Variants in LRRFIP1 observed in about 807,000 individuals in gnomAD.
LRRFIP1 encodes leucine-rich repeat flightless-interacting protein 1.
LRRFIP1 carries 62 observed loss-of-function variants against 104.4 expected under a neutral mutation model. The ratio of observed to expected loss-of-function variants is 0.59; its 90% confidence interval spans 0.48 to 0.73. The LOEUF (loss-of-function observed/expected upper bound fraction) is 0.73. LRRFIP1 is among the 30% of genes least tolerant of loss of function. The pLI is 0.00. For missense variants in LRRFIP1, 796 were observed against 824.5 expected, an observed-to-expected ratio of 0.97 and a Z score of 0.42; for synonymous variants, 300 against 299.0, an observed-to-expected ratio of 1.00 and a Z score of -0.03.
At chr2:237,762,994 A>G (rs1253508391) in intron 19 of LRRFIP1, 1 of 1,614,258 alleles carries the variant, frequency 6.2e-7, no homozygotes, top group Admixed American at 1.7e-5. Flanking sequence ...GAGAGGCAGC[A>G]GTGACTCAGG....
At position 237,725,648 on chromosome 2, in the gene LRRFIP1, G is replaced by A. The variant is rs1035867036; in HGVS notation, c.384+2062G>A. ...TTCTAGGAACATAGCCCAGGAATAG[G>A]TTCCTTATGATAGAATTCCATTACC... On this transcript the variant is annotated intron_variant, in intron 7 of 23. Transcript: ENST00000308482. Among the ~76,000 whole-genome samples the A allele has an allele frequency of 4.6e-5, 7 of 152,354 alleles. No individual in the cohort carries two copies. In the South Asian group the frequency reaches 1.0e-3, roughly 23 times the overall value.
chr2:237,762,243 G>A (rs781510077), intron 19 of LRRFIP1, among the ~76,000 whole-genome samples: 1 of 152,180 alleles, frequency 6.6e-6, no homozygotes, highest in Non-Finnish European at 1.5e-5. Context: ...TGAGAGTGGG[G>A]AATTGAACCT....
intron 22 of LRRFIP1, 113 bp downstream of exon 22, chr2:237,773,058 T>C (rs2150927649): frequency 1.3e-6 from 1 of 788,784 alleles, no homozygotes; most frequent in East Asian, 2.5e-5. Flanking sequence ...AACCAAGAAA[T>C]GTCCTAAGAG....
At chr2:237,654,433 C>A (rs1179105660) in intron 1 of LRRFIP1, among the ~76,000 whole-genome samples, 1 of 152,136 alleles carries the variant, frequency 6.6e-6, no homozygotes, top group Non-Finnish European at 1.5e-5. Context: ...TCAGTACAGC[C>A]ATTGTAGAAA....
At chr2:237,677,037 AATACACATAAC>A (rs1292384672) in intron 1 of LRRFIP1, among the ~76,000 whole-genome samples, 4 of 152,246 alleles carry the variant, frequency 2.6e-5, no homozygotes, top group Non-Finnish European at 5.9e-5. Flanking sequence ...ATTGTGCTAA[AATACACATAAC>A]AAAGTTTGCC....
At chr2:237,756,624 T>G (rs2059294570) in intron 16 of LRRFIP1, among the ~76,000 whole-genome samples, 1 of 152,200 alleles carries the variant, frequency 6.6e-6, no homozygotes, top group Non-Finnish European at 1.5e-5. Flanking sequence ...ATTACTAAAG[T>G]TTTCAGTTTT....
rs529458410 is a variant in LRRFIP1, at chr2:237,647,580, C to T, written c.96+19840C>T. Among the ~76,000 whole-genome samples, 73 of 152,178 alleles carry T rather than the reference C, an allele frequency of 4.8e-4. 1 individual carries two copies. The highest frequency in any genetic ancestry group is 1.3e-3 in the African/African-American group (53 of 41,580). ...GGGTCCTGCCCTGTTGCCTGGTGGC[C>T]GGGCACTCGCTGCATGCAGGGCGGA... On this transcript the variant is annotated intron_variant, in intron 1 of 23. Transcript: ENST00000308482.
chr2:237,686,514 ATT>A (rs2092381355), intron 1 of LRRFIP1, among the ~76,000 whole-genome samples: 1 of 152,230 alleles, frequency 6.6e-6, no homozygotes, highest in African/African-American at 2.4e-5. Context: ...CCCACCCATC[ATT>A]TATAAGGCAC....
At chr2:237,758,865 A>AT (rs769910914) in intron 18 of LRRFIP1, 44 bp downstream of exon 18, 1 of 1,500,510 alleles carries the variant, frequency 6.7e-7, no homozygotes, top group South Asian at 1.2e-5. Context: ...AAAGAAAAAA[A>AT]ATCCAGGTGA....
intron 1 of LRRFIP1, among the ~76,000 whole-genome samples, chr2:237,638,943 C>T (rs2083491394): frequency 6.6e-6 from 1 of 152,196 alleles, no homozygotes; most frequent in African/African-American, 2.4e-5. Context: ...CCTCAGAGAC[C>T]TGTGGGTCAG....
chr2:237,780,222 A>G lies in LRRFIP1; in HGVS notation c.*690A>G, dbSNP rs1190381161. ...ACTGAAAATGACAGCTTTTCATTGC[A>G]TTATTTAATCCTTATATTTGGAATT... On this transcript the variant is annotated 3_prime_UTR_variant, in exon 24 of 24. Coordinates refer to ENST00000308482, the MANE Select transcript of LRRFIP1 (RefSeq NM_001137550.2). The G allele has an allele frequency of 2.0e-5, 3 of 152,204 alleles. No individual in the cohort carries two copies. Among genetic ancestry groups the G allele is most frequent in the Non-Finnish European group, 2.9e-5 (2 of 68,026 alleles). The allele number at this position is 152,204 out of a possible 1,614,324, so 9.4% of individuals were successfully genotyped here. A position where few individuals can be genotyped will look rare whatever the true frequency, so the allele number is the denominator to read the frequency against.
chr2:237,708,692 C>A, intron 2 of LRRFIP1, 62 bp downstream of exon 2: 1 of 1,510,932 alleles, frequency 6.6e-7, no homozygotes, highest in Non-Finnish European at 9.0e-7. Context: ...GCCCAGGGTG[C>A]AAGTGCAGGC....
At chr2:237,655,277 AT>A (rs1329075922) in intron 1 of LRRFIP1, among the ~76,000 whole-genome samples, 2 of 148,972 alleles carry the variant, frequency 1.3e-5, no homozygotes, top group Non-Finnish European at 3.0e-5. Flanking sequence ...TGCCCAGCTA[AT>A]TTTTGTATTT....
intron 1 of LRRFIP1, among the ~76,000 whole-genome samples, chr2:237,674,046 T>C (rs2090764953): frequency 6.6e-6 from 1 of 152,144 alleles, no homozygotes; most frequent in African/African-American, 2.4e-5. Flanking sequence ...TGAAGCCTGC[T>C]AGGAGGCACT....
chr2:237,771,685 G>C (rs752616863), intron 20 of LRRFIP1, among the ~76,000 whole-genome samples: 10 of 151,942 alleles, frequency 6.6e-5, no homozygotes, highest in Non-Finnish European at 1.3e-4. Flanking sequence ...CAGCTGGCCT[G>C]GACGCTGAGA....
chr2:237,671,857 T>C (rs2090399773), intron 1 of LRRFIP1, among the ~76,000 whole-genome samples: 1 of 149,738 alleles, frequency 6.7e-6, no homozygotes, highest in Non-Finnish European at 1.5e-5. Context: ...CATGTGTGTG[T>C]CTGTGTATTC....
rs2061417239 is a variant in LRRFIP1, at chr2:237,780,819, G to A, written c.*1287G>A. The stretch of plus-strand genomic sequence containing the variant: ...GATCTAGGATATACACAGCTGCGTT[G>A]CATTAAGAAAGAGATGAAATCTCTA... On this transcript the variant is annotated 3_prime_UTR_variant, in exon 24 of 24. Transcript: ENST00000308482. Among the ~76,000 whole-genome samples, 1 of 152,320 alleles carries A rather than the reference G, an allele frequency of 6.6e-6. No homozygotes were observed. Among genetic ancestry groups the A allele is most frequent in the Middle Eastern group, 3.4e-3 (1 of 294 alleles).
chr2:237,683,095 A>T (rs932771686), intron 1 of LRRFIP1, among the ~76,000 whole-genome samples: 4 of 152,246 alleles, frequency 2.6e-5, no homozygotes, highest in African/African-American at 9.6e-5. Context: ...GCCCACGACA[A>T]GGAACTGTGC....
At chr2:237,709,960 A>G (rs145254199) in intron 2 of LRRFIP1, among the ~76,000 whole-genome samples, 2 of 150,326 alleles carry the variant, frequency 1.3e-5, no homozygotes, top group Admixed American at 1.3e-4. Context: ...TCAAGCGATT[A>G]TCATGCCTCA....
Sources: allele counts gnomAD v4.1 joint callset (sites outside exome capture counted in the v4.1 genomes callset), GRCh38; gene constraint gnomAD v4.1.1; transcripts MANE v1.5; gene names NCBI Gene and HGNC (gene_info 2026-07-23, HGNC 2026-07-21).